Variants in TTC28 observed in about 807,000 individuals in gnomAD.
The protein encoded by TTC28 is tetratricopeptide repeat domain 28, also known as tetratricopeptide repeat protein 28.
A neutral mutation model predicts 198.0 loss-of-function variants in TTC28; 61 were observed. That is an observed-to-expected ratio of 0.31 (90% CI 0.25 to 0.38). The LOEUF is 0.38. TTC28 is among the 10% of genes least tolerant of loss of function. The probability of loss-of-function intolerance (pLI) is 1.00; values close to 1 mark genes in which losing one functional copy is unlikely to be tolerated. For synonymous variants in TTC28, 1,171 were observed against 1,297.8 expected (o/e 0.90, Z 2.10); for missense variants, 2,678 against 3,164.0 (o/e 0.85, Z 3.69).
chr22:28,164,511 G>A (rs1207901967), intron 5 of TTC28, among the ~76,000 whole-genome samples: 2 of 152,174 alleles, frequency 1.3e-5, no homozygotes, highest in African/African-American at 4.8e-5. Flanking sequence ...TACAGCCACT[G>A]CTGCTGATAC....
At chr22:28,507,917 A>G (rs937020379) in intron 2 of TTC28, among the ~76,000 whole-genome samples, 39 of 152,198 alleles carry the variant, frequency 2.6e-4, no homozygotes, top group Non-Finnish European at 2.6e-4. Context: ...AGCACTAAAT[A>G]TGGAAAGGAA....
At chr22:28,537,275 A>T (rs1056534982) in intron 2 of TTC28, among the ~76,000 whole-genome samples, 7 of 147,008 alleles carry the variant, frequency 4.8e-5, no homozygotes, top group African/African-American at 1.8e-4. Flanking sequence ...CCTGGGCGAC[A>T]GAGCCAGACT....
At chr22:28,218,560 T>C (rs896432097) in intron 5 of TTC28, among the ~76,000 whole-genome samples, 6 of 152,092 alleles carry the variant, frequency 3.9e-5, no homozygotes, top group African/African-American at 1.4e-4. Context: ...CTTCAGTCAT[T>C]CTTTCACATA....
intron 3 of TTC28, among the ~76,000 whole-genome samples, chr22:28,305,456 G>A (rs7291258): frequency 0.03 from 4,518 of 152,176 alleles, 212 homozygotes; most frequent in African/African-American, 0.1. Context: ...GACCAAATGA[G>A]TACTGTTTAG....
intron 2 of TTC28, among the ~76,000 whole-genome samples, chr22:28,439,744 C>T (rs935494888): frequency 6.6e-6 from 1 of 152,158 alleles, no homozygotes; most frequent in Admixed American, 6.5e-5. Context: ...ATATTAAATG[C>T]CATTCTTACC....
chr22:28,367,171 A>C (rs892718305), intron 2 of TTC28, among the ~76,000 whole-genome samples: 2 of 152,118 alleles, frequency 1.3e-5, no homozygotes, highest in Admixed American at 1.3e-4. Context: ...ATTCTCAGGG[A>C]TAGACCATAT....
intron 12 of TTC28, among the ~76,000 whole-genome samples, chr22:28,079,934 G>T (rs921126311): frequency 6.6e-6 from 1 of 152,110 alleles, no homozygotes; most frequent in Admixed American, 6.6e-5. Flanking sequence ...TCACTGTGTT[G>T]CCCAGGAAAG....
chr22:28,590,028 C>A (rs1290855078), intron 2 of TTC28, among the ~76,000 whole-genome samples: 2 of 72,406 alleles, frequency 2.8e-5, no homozygotes, highest in South Asian at 8.9e-4. Flanking sequence ...CAGAACAAGA[C>A]TCCATCAAAA....
At chr22:27,990,134 T>C in intron 20 of TTC28, 127 bp from the exon 21 acceptor site, 2 of 1,255,076 alleles carry the variant, frequency 1.6e-6, no homozygotes, top group Non-Finnish European at 2.1e-6. Context: ...GAGTGTAGCA[T>C]TTGAGATTCT....
At chr22:28,368,669 A>G (rs1388872327) in intron 2 of TTC28, among the ~76,000 whole-genome samples, 3 of 152,148 alleles carry the variant, frequency 2.0e-5, no homozygotes, top group Non-Finnish European at 4.4e-5. Flanking sequence ...CCAAAGAACT[A>G]TTAGAACTGA....
Position 28,278,032 on chromosome 22 carries a change from T to C in TTC28, c.933+18166A>G, listed in dbSNP as rs370089063. Among the ~76,000 whole-genome samples, 5 of 152,178 alleles carry C rather than the reference T, an allele frequency of 3.3e-5. No individual in the cohort carries two copies. The East Asian group carries it at 7.7e-4, about 23-fold the overall frequency. On this transcript the variant is annotated intron_variant, in intron 5 of 22. Coordinates refer to ENST00000397906, the MANE Select transcript of TTC28 (RefSeq NM_001145418.2). The stretch of plus-strand genomic sequence containing the variant: ...CTGAATGATGCTGCAGTCTCTGATA[T>C]GTCAGGTTATACCTGTTTCTCAGTC...
chr22:28,266,358 T>G (rs1382215414), intron 5 of TTC28, among the ~76,000 whole-genome samples: 1 of 152,142 alleles, frequency 6.6e-6, no homozygotes, highest in Admixed American at 6.5e-5. Context: ...ATCTTCAACC[T>G]GCGTGTATCA....
chr22:28,160,165 T>C (rs1371396548), intron 6 of TTC28, among the ~76,000 whole-genome samples: 2 of 152,184 alleles, frequency 1.3e-5, no homozygotes, highest in South Asian at 4.1e-4. Flanking sequence ...CGGATAACTA[T>C]AGTCAATGGA....
At chr22:28,402,826 G>A (rs1029395216) in intron 2 of TTC28, among the ~76,000 whole-genome samples, 3 of 152,314 alleles carry the variant, frequency 2.0e-5, no homozygotes, top group South Asian at 2.1e-4. Flanking sequence ...TATCATTAGC[G>A]TTGACAACTT....
intron 2 of TTC28, among the ~76,000 whole-genome samples, chr22:28,534,389 C>G: frequency 1.3e-5 from 2 of 152,200 alleles, no homozygotes; most frequent in Middle Eastern, 3.4e-3. Context: ...GTTAGAATGG[C>G]GATCATTAAA....
chr22:28,450,664 G>A (rs2047765816), intron 2 of TTC28, among the ~76,000 whole-genome samples: 1 of 151,862 alleles, frequency 6.6e-6, no homozygotes, highest in Non-Finnish European at 1.5e-5. Context: ...AAATTATAAG[G>A]GCTGCAAAGT....
At chr22:28,110,622 GA>G (rs1385098590) in intron 6 of TTC28, among the ~76,000 whole-genome samples, 1 of 152,030 alleles carries the variant, frequency 6.6e-6, no homozygotes, top group Admixed American at 6.6e-5. Context: ...TTATACAATG[GA>G]ATAAACATGG....
At chr22:28,461,129 G>T (rs1019878556) in intron 2 of TTC28, among the ~76,000 whole-genome samples, 2 of 152,034 alleles carry the variant, frequency 1.3e-5, no homozygotes, top group Admixed American at 1.3e-4. Context: ...TCTTGCTTAT[G>T]GTCATTATTT....
intron 12 of TTC28, among the ~76,000 whole-genome samples, chr22:28,064,956 G>A (rs569867112): frequency 6.6e-6 from 1 of 152,282 alleles, no homozygotes; most frequent in South Asian, 2.1e-4. Context: ...ACTAAAAAAT[G>A]CAAATAGTTA....
Sources: allele counts gnomAD v4.1 joint callset (sites outside exome capture counted in the v4.1 genomes callset), GRCh38; gene constraint gnomAD v4.1.1; transcripts MANE v1.5; gene names NCBI Gene and HGNC (gene_info 2026-07-23, HGNC 2026-07-21).